The following GSTCD variants were observed in gnomAD, a reference collection of about 807,000 sequenced individuals.
GSTCD encodes the protein glutathione S-transferase C-terminal domain containing.
GSTCD carries 44 observed loss-of-function variants against 68.3 expected under a neutral mutation model. The observed-to-expected ratio is 0.64, with a 90% CI of 0.51 to 0.83. The LOEUF (loss-of-function observed/expected upper bound fraction) is 0.83. Ranked by LOEUF, GSTCD falls within the 40% of genes least tolerant of loss-of-function variation. GSTCD has a pLI of 0.00. For missense variants in GSTCD, 739 were observed against 735.9 expected, an observed-to-expected ratio of 1.00 and a Z score of -0.05; for synonymous variants, 273 against 255.2, an observed-to-expected ratio of 1.07 and a Z score of -0.67.
intron 4 of GSTCD, 65 bp from the exon 5 acceptor site, chr4:105,729,341 C>G: frequency 1.1e-6 from 1 of 921,900 alleles, no homozygotes; most frequent in South Asian, 2.0e-5. Context: ...AATTTTTTAG[C>G]CTTCAATAAT....
In GSTCD at chr4:105,734,326, A is replaced by G. The variant is rs7672383; in HGVS notation, c.1240+4827A>G. 4.4e-3 allele frequency among the ~76,000 whole-genome samples: 669 copies of G among 152,322 alleles called. 9 individuals carry two copies. Among genetic ancestry groups the G allele is most frequent in the African/African-American group, 0.015 (640 of 41,562 alleles). Reference sequence around the variant, plus strand: ...CTCCCCGTCACTTTCAGGTAAACCAATCAGCCATGGATTTGGTCTTTTCAC... The same window carrying G: ...CTCCCCGTCACTTTCAGGTAAACCAGTCAGCCATGGATTTGGTCTTTTCAC... On this transcript the variant is annotated intron_variant, in intron 5 of 11. Coordinates refer to ENST00000515279, the MANE Select transcript of GSTCD (RefSeq NM_001370181.1).
intron 5 of GSTCD, among the ~76,000 whole-genome samples, chr4:105,787,332 T>G (rs1470993561): frequency 1.3e-5 from 2 of 152,098 alleles, no homozygotes. Flanking sequence ...GCCAGTGCAT[T>G]GGTCCAGGGG....
At chr4:105,735,633 G>A (rs1000713441) in intron 5 of GSTCD, among the ~76,000 whole-genome samples, 7 of 152,016 alleles carry the variant, frequency 4.6e-5, no homozygotes, top group African/African-American at 7.3e-5. Flanking sequence ...TGGGTGAGGC[G>A]ATGCCTCACC....
chr4:105,748,952 T>C (rs989503224), intron 5 of GSTCD, among the ~76,000 whole-genome samples: 5 of 152,102 alleles, frequency 3.3e-5, no homozygotes, highest in Middle Eastern at 3.4e-3. Context: ...TACTAATTAA[T>C]TATGCTTGGC....
chr4:105,719,534 T>C lies in GSTCD; in HGVS notation c.894+7T>C. ...CTGTATCCATCATTTCTTGGTAAGG[T>C]TTCATCTGGACTGTACACATTACTA... On this transcript the variant is annotated splice_region_variant and intron_variant, in intron 3 of 11. Transcript: ENST00000515279. 6.3e-7 allele frequency: 1 copy of C among 1,597,392 alleles called. No homozygotes were observed.
In GSTCD at chr4:105,834,464, G is replaced by A; in HGVS notation, c.1534G>A (p.Ala512Thr). The change falls in exon 9 of 12, where the codon GCA (alanine) becomes ACA (threonine). Residue 512 changes from alanine (A) to threonine (T), a missense_variant. Ala to Thr is a moderately conservative substitution (Grantham distance 58). Transcript: ENST00000515279. ...AAGGCCTGGTTTTATTTTGTAGGTA[G>A]CATTGCATGCTTGTGGAGTGGCAAC... Reference protein sequence around the residue: ...YFTGMFNIGVALHACGVATDM... With the variant: ...YFTGMFNIGVTLHACGVATDM... The A allele has an allele frequency of 6.2e-7, 1 of 1,613,480 alleles. No individual in the cohort carries two copies.
chr4:105,808,094 A>G (rs1475355841), intron 5 of GSTCD, among the ~76,000 whole-genome samples: 1 of 152,064 alleles, frequency 6.6e-6, no homozygotes, highest in African/African-American at 2.4e-5. Flanking sequence ...AATATAATAG[A>G]CTAGTCTCAG....
intron 5 of GSTCD, among the ~76,000 whole-genome samples, chr4:105,795,026 C>T (rs1735828432): frequency 6.6e-6 from 1 of 151,878 alleles, no homozygotes; most frequent in African/African-American, 2.4e-5. Context: ...AGGCACCCGC[C>T]ACCACACCCA....
At chr4:105,792,343 T>C (rs551012012) in intron 5 of GSTCD, among the ~76,000 whole-genome samples, 18 of 152,062 alleles carry the variant, frequency 1.2e-4, no homozygotes, top group Non-Finnish European at 2.5e-4. Flanking sequence ...GGGTTAAGTT[T>C]ACTTCATTTT....
At chr4:105,745,214 T>G (rs1452876855) in intron 5 of GSTCD, among the ~76,000 whole-genome samples, 2 of 152,212 alleles carry the variant, frequency 1.3e-5, no homozygotes, top group African/African-American at 4.8e-5. Context: ...GTGTGAAAAA[T>G]ATACCTACTG....
chr4:105,714,003 T>C (rs1377851321), intron 1 of GSTCD, among the ~76,000 whole-genome samples: 1 of 151,486 alleles, frequency 6.6e-6, no homozygotes, highest in Non-Finnish European at 1.5e-5. Flanking sequence ...AAGGCTAAGA[T>C]ATATTCATTA....
chr4:105,807,923 T>C (rs1722584146), intron 5 of GSTCD, among the ~76,000 whole-genome samples: 1 of 152,120 alleles, frequency 6.6e-6, no homozygotes, highest in South Asian at 2.1e-4. Context: ...AAATCAGTTA[T>C]TACAACGGTC....
chr4:105,780,054 C>CAAAGAGAA (rs1376989900), intron 5 of GSTCD, among the ~76,000 whole-genome samples: 1 of 152,172 alleles, frequency 6.6e-6, no homozygotes, highest in Non-Finnish European at 1.5e-5. Flanking sequence ...TTACATGTTT[C>CAAAGAGAA]ATATTGCTCC....
intron 5 of GSTCD, among the ~76,000 whole-genome samples, chr4:105,773,940 A>G (rs2149245110): frequency 6.6e-6 from 1 of 152,296 alleles, no homozygotes; most frequent in Middle Eastern, 3.4e-3. Context: ...GGTCTGGCTA[A>G]TATTGACAGT....
chr4:105,716,506 G>T (rs574201743), intron 1 of GSTCD, among the ~76,000 whole-genome samples: 48 of 152,306 alleles, frequency 3.2e-4, no homozygotes, highest in Admixed American at 1.7e-3. Context: ...TGGCAGGTGA[G>T]CCAGCATTAC....
intron 5 of GSTCD, among the ~76,000 whole-genome samples, chr4:105,796,115 A>G (rs1455126828): frequency 6.6e-6 from 1 of 152,248 alleles, no homozygotes; most frequent in Non-Finnish European, 1.5e-5. Context: ...TAATGGATTT[A>G]TAGTTCCACA....
chr4:105,751,000 G>T (rs1334549584), intron 5 of GSTCD, among the ~76,000 whole-genome samples: 1 of 152,204 alleles, frequency 6.6e-6, no homozygotes, highest in Non-Finnish European at 1.5e-5. Flanking sequence ...CAGTAGCAAA[G>T]TGTCCCTTGT....
chr4:105,751,242 C>T (rs1733999537), intron 5 of GSTCD, among the ~76,000 whole-genome samples: 1 of 152,060 alleles, frequency 6.6e-6, no homozygotes, highest in Non-Finnish European at 1.5e-5. Flanking sequence ...TTGCAACTTC[C>T]TGTGAGTCTA....
At chr4:105,711,002 CAG>C (rs939893050) in intron 1 of GSTCD, 1 of 152,124 alleles carries the variant, frequency 6.6e-6, no homozygotes, top group African/African-American at 2.4e-5. Context: ...GAAAAAATCT[CAG>C]TGTTTTTCTT....
Sources: allele counts gnomAD v4.1 joint callset (sites outside exome capture counted in the v4.1 genomes callset), GRCh38; gene constraint gnomAD v4.1.1; transcripts MANE v1.5; gene names NCBI Gene and HGNC (gene_info 2026-07-23, HGNC 2026-07-21).